The following GRIK3 variants were observed in gnomAD, a reference collection of about 807,000 sequenced individuals.
GRIK3 encodes the protein glutamate ionotropic receptor kainate type subunit 3, also known as glutamate receptor ionotropic, kainate 3.
Under a neutral mutation model 102.5 loss-of-function variants are expected in GRIK3, and 29 were observed. The observed-to-expected ratio is 0.28, with a 90% confidence interval of 0.21 to 0.39. The LOEUF (loss-of-function observed/expected upper bound fraction) is 0.39, where lower values mean the gene tolerates loss of function less well. Ranked by LOEUF, GRIK3 falls within the 10% of genes least tolerant of loss-of-function variation. GRIK3 has a pLI of 1.00. For synonymous variants in GRIK3, 511 were observed against 504.9 expected, an observed-to-expected ratio of 1.01 and a Z score of -0.16; for missense variants, 908 against 1,252.4, an observed-to-expected ratio of 0.73 and a Z score of 4.15.
chr1:36,933,130 C>T (rs567367882), intron 1 of GRIK3, among the ~76,000 whole-genome samples: 1 of 152,262 alleles, frequency 6.6e-6, no homozygotes, highest in South Asian at 2.1e-4. Context: ...AGCGGCTTGT[C>T]ACTGAGCAAG....
intron 5 of GRIK3, among the ~76,000 whole-genome samples, chr1:36,861,190 T>A (rs1231474800): frequency 6.6e-6 from 1 of 152,242 alleles, no homozygotes; most frequent in East Asian, 1.9e-4. Flanking sequence ...CCCTCGTTAG[T>A]GAGTTGAATC....
At chr1:36,873,078 C>T (rs1640861056) in intron 3 of GRIK3, among the ~76,000 whole-genome samples, 1 of 152,210 alleles carries the variant, frequency 6.6e-6, no homozygotes, top group Non-Finnish European at 1.5e-5. Flanking sequence ...ATCACCCTCT[C>T]CTCCAACTCA....
At chr1:36,970,923 G>A (rs557097368) in intron 1 of GRIK3, among the ~76,000 whole-genome samples, 112 of 152,296 alleles carry the variant, frequency 7.4e-4, no homozygotes, top group African/African-American at 2.6e-3. Flanking sequence ...CTGGACCATT[G>A]GGCCAGTCCA....
chr1:36,957,295 A>ATGAG (rs1641922041), intron 1 of GRIK3, among the ~76,000 whole-genome samples: 5 of 149,258 alleles, frequency 3.3e-5, no homozygotes, highest in African/African-American at 5.0e-5. Flanking sequence ...TGTGTGCCCC[A>ATGAG]CGAGCCCGTG....
chr1:36,930,222 C>T (rs1215088501), intron 1 of GRIK3, among the ~76,000 whole-genome samples: 1 of 152,194 alleles, frequency 6.6e-6, no homozygotes, highest in Non-Finnish European at 1.5e-5. Context: ...TTCTTGGAGG[C>T]TGGCTTTTGA....
chr1:37,017,514 T>C (rs893716273), intron 1 of GRIK3, among the ~76,000 whole-genome samples: 1 of 152,018 alleles, frequency 6.6e-6, no homozygotes, highest in African/African-American at 2.4e-5. Context: ...GGAGTTTGCA[T>C]AGCCAGGAGC....
At chr1:36,910,855 C>T (rs1328681757) in intron 1 of GRIK3, among the ~76,000 whole-genome samples, 6 of 152,164 alleles carry the variant, frequency 3.9e-5, no homozygotes, top group Admixed American at 2.0e-4. Flanking sequence ...GTTTCAGCCC[C>T]GTTCTTCAGG....
intron 11 of GRIK3, among the ~76,000 whole-genome samples, chr1:36,822,346 T>G (rs1642704393): frequency 6.6e-6 from 1 of 152,196 alleles, no homozygotes; most frequent in Non-Finnish European, 1.5e-5. Flanking sequence ...CGTTACAGGT[T>G]GGGGTCCTCA....
chr1:37,032,230 A>T (rs1421978102), intron 1 of GRIK3, among the ~76,000 whole-genome samples: 2 of 152,158 alleles, frequency 1.3e-5, no homozygotes, highest in Non-Finnish European at 2.9e-5. Context: ...TTCCCAGCTT[A>T]TCCCTCTGAG....
intron 1 of GRIK3, among the ~76,000 whole-genome samples, chr1:36,963,533 G>A (rs6694575): frequency 0.025 from 3,784 of 152,230 alleles, 132 homozygotes; most frequent in African/African-American, 0.077. Flanking sequence ...ACTCTGAGCC[G>A]CATGCCATTA....
chr1:36,950,971 C>G (rs1237464885), intron 1 of GRIK3, among the ~76,000 whole-genome samples: 2 of 152,126 alleles, frequency 1.3e-5, no homozygotes, highest in Non-Finnish European at 1.5e-5. Flanking sequence ...CAGACTGGGG[C>G]CCCAGGTTTT....
chr1:36,998,378 G>A (rs774620947), intron 1 of GRIK3, among the ~76,000 whole-genome samples: 4 of 152,184 alleles, frequency 2.6e-5, no homozygotes, highest in Admixed American at 1.3e-4. Flanking sequence ...CATAGGGCTT[G>A]TAACTTAGCA....
chr1:37,018,959 C>G (rs186947210), intron 1 of GRIK3, among the ~76,000 whole-genome samples: 1 of 152,108 alleles, frequency 6.6e-6, no homozygotes, highest in Non-Finnish European at 1.5e-5. Context: ...TAAAAGCCCC[C>G]GAAGCGACTG....
intron 1 of GRIK3, among the ~76,000 whole-genome samples, chr1:36,896,373 G>A (rs1244443919): frequency 6.6e-6 from 1 of 152,042 alleles, no homozygotes; most frequent in Non-Finnish European, 1.5e-5. Context: ...ATGGGAGGGA[G>A]GAATTAGGAT....
intron 13 of GRIK3, among the ~76,000 whole-genome samples, chr1:36,813,989 A>C (rs1230096768): frequency 6.6e-6 from 1 of 152,094 alleles, no homozygotes; most frequent in Non-Finnish European, 1.5e-5. Context: ...GGGGGTGTGG[A>C]GTTGTTGTTT....
intron 1 of GRIK3, among the ~76,000 whole-genome samples, chr1:36,994,217 T>C (rs375450130): frequency 8.5e-5 from 13 of 152,332 alleles, no homozygotes; most frequent in Admixed American, 7.2e-4. Flanking sequence ...ACCTCACCTC[T>C]CTGAGCCTTG....
intron 1 of GRIK3, among the ~76,000 whole-genome samples, chr1:37,010,887 G>A (rs1311966587): frequency 6.6e-5 from 10 of 151,960 alleles, no homozygotes; most frequent in African/African-American, 1.9e-4. Flanking sequence ...GACTACAGGC[G>A]CCCACCACCG....
intron 1 of GRIK3, among the ~76,000 whole-genome samples, chr1:36,981,343 C>T (rs905104904): frequency 6.6e-6 from 1 of 152,174 alleles, no homozygotes; most frequent in Non-Finnish European, 1.5e-5. Context: ...GAGTGGGTCA[C>T]CCATCACCAT....
rs571151734 is a variant in GRIK3 at position 36,959,875 on chromosome 1, G to A, written c.116-68779C>T. ...TGTGAGCCTGTGTGCCCCATGAGCCGTGTGCCCCATGATTCTGTGCCCCAT... is the reference window on the plus strand; with the variant it reads ...TGTGAGCCTGTGTGCCCCATGAGCCATGTGCCCCATGATTCTGTGCCCCAT... On this transcript the variant is annotated intron_variant, in intron 1 of 15. Coordinates refer to ENST00000373091, the MANE Select transcript of GRIK3 (RefSeq NM_000831.4). Among the ~76,000 whole-genome samples, 50 of 62,808 alleles carry A rather than the reference G, an allele frequency of 8.0e-4. 2 individuals are homozygous for A. The highest frequency in any genetic ancestry group is 0.017 in the Middle Eastern group (1 of 58). The allele number at this position is 62,808 out of a possible 152,430, so 41.2% of individuals were successfully genotyped here. A position where few individuals can be genotyped will look rare whatever the true frequency, so the allele number is the denominator to read the frequency against.
Sources: allele counts gnomAD v4.1 joint callset (sites outside exome capture counted in the v4.1 genomes callset), GRCh38; gene constraint gnomAD v4.1.1; transcripts MANE v1.5; gene names NCBI Gene and HGNC (gene_info 2026-07-23, HGNC 2026-07-21).